Variants in URGCP observed in about 807,000 individuals in gnomAD.
The protein encoded by URGCP is up-regulator of cell proliferation.
Under a neutral mutation model 24.6 loss-of-function variants are expected in URGCP, and 13 were observed. The ratio of observed to expected loss-of-function variants is 0.53; its 90% CI spans 0.34 to 0.84. The LOEUF (loss-of-function observed/expected upper bound fraction) is 0.84, where lower values mean the gene tolerates loss of function less well. Among genes scored for constraint, URGCP ranks in the 40% least tolerant of loss-of-function variants. The pLI, the probability that URGCP is intolerant of heterozygous loss-of-function variation, is 0.01. For missense variants in URGCP, 899 were observed against 1,194.3 expected, an observed-to-expected ratio of 0.75 and a Z score of 3.64; for synonymous variants, 444 against 487.2, an observed-to-expected ratio of 0.91 and a Z score of 1.17.
intron 1 of URGCP, among the ~76,000 whole-genome samples, chr7:43,911,788 T>G (rs1203622240): frequency 6.6e-6 from 1 of 152,098 alleles, no homozygotes; most frequent in East Asian, 1.9e-4. Context: ...TGGAACACTC[T>G]CCAAGATAGA....
intron 3 of URGCP, among the ~76,000 whole-genome samples, chr7:43,883,590 T>C (rs1319856537): frequency 1.3e-5 from 2 of 151,942 alleles, no homozygotes; most frequent in Non-Finnish European, 2.9e-5. Context: ...CTCGATCTCC[T>C]GACCTTGTGA....
At chr7:43,901,233 G>A (rs10232805) in intron 1 of URGCP, among the ~76,000 whole-genome samples, 14,191 of 152,242 alleles carry the variant, frequency 0.093, 843 homozygotes, top group Middle Eastern at 0.16. Context: ...CCTGTCACTC[G>A]TGGTTCCGGA....
At chr7:43,923,335 G>A (rs1014131654) in intron 1 of URGCP, among the ~76,000 whole-genome samples, 15 of 148,198 alleles carry the variant, frequency 1.0e-4, no homozygotes, top group Non-Finnish European at 1.8e-4. Flanking sequence ...CTCCTGGGCT[G>A]GAGTACAGTG....
intron 1 of URGCP, chr7:43,920,081 C>T (rs2095920459): frequency 8.2e-7 from 1 of 1,225,738 alleles, no homozygotes; most frequent in African/African-American, 1.5e-5. Context: ...CAGGGACCCT[C>T]ATCTGCCTTA....
chr7:43,908,501 T>A (rs2095906643), upstream of URGCP, among the ~76,000 whole-genome samples: 1 of 152,230 alleles, frequency 6.6e-6, no homozygotes, highest in Non-Finnish European at 1.5e-5. Context: ...AAGGTCTCTC[T>A]GATCTCCCTC....
chr7:43,897,004 C>T (rs1358942450), intron 1 of URGCP, among the ~76,000 whole-genome samples: 1 of 152,128 alleles, frequency 6.6e-6, no homozygotes, highest in Non-Finnish European at 1.5e-5. Flanking sequence ...AGGTTCTGCT[C>T]TTGGTTTACA....
intron 1 of URGCP, among the ~76,000 whole-genome samples, chr7:43,896,431 G>T (rs1263311472): frequency 6.6e-6 from 1 of 150,686 alleles, no homozygotes; most frequent in Admixed American, 6.6e-5. Context: ...ATCCAGCCTG[G>T]GCGACAGAGA....
intron 1 of URGCP, among the ~76,000 whole-genome samples, chr7:43,892,212 C>G (rs571828264): frequency 1.3e-5 from 2 of 151,450 alleles, no homozygotes; most frequent in East Asian, 3.9e-4. Flanking sequence ...GCCACTGCGC[C>G]CAGCCAATTT....
rs531200029 is a variant in URGCP at position 43,897,705 on chromosome 7, C to A, written c.14+8857G>T. Reference sequence around the variant, plus strand: ...GTGACAGGCCTGTCTATGTTACCGGCTGCCAGGCTGAGAATAGACAAGGGA... The same window carrying A: ...GTGACAGGCCTGTCTATGTTACCGGATGCCAGGCTGAGAATAGACAAGGGA... On this transcript the variant is annotated intron_variant, in intron 1 of 5. Coordinates refer to ENST00000453200, the MANE Select transcript of URGCP (RefSeq NM_001077663.3). Among the ~76,000 whole-genome samples the A allele has an allele frequency of 3.3e-5, 5 of 152,282 alleles. No homozygotes were observed. The South Asian group carries it at 1.0e-3, about 32-fold the overall frequency.
intron 1 of URGCP, among the ~76,000 whole-genome samples, chr7:43,914,715 C>A (rs1383793339): frequency 6.6e-6 from 1 of 152,152 alleles, no homozygotes; most frequent in Non-Finnish European, 1.5e-5. Flanking sequence ...TTCACAGATT[C>A]TTTTCTCTGT....
rs369543489 is a variant in URGCP, at chr7:43,881,705, A to G, written c.164-8T>C. 1.2e-6 allele frequency: 2 copies of G among 1,614,006 alleles called. No individual in the cohort carries two copies. Among genetic ancestry groups the G allele is most frequent in the African/African-American group, 2.7e-5 (2 of 74,916 alleles). On this transcript the variant is annotated splice_polypyrimidine_tract_variant and splice_region_variant and intron_variant, in intron 4 of 5. Transcript: ENST00000453200. ...GAGCCTCATTTGTACCATCTATGGA[A>G]AAAGCAATGGAAAATGAAGTGTCAA...
rs1287751374 is a variant in URGCP, at chr7:43,917,998, G to A, written c.-116+8134C>T. Among the ~76,000 whole-genome samples the A allele has an allele frequency of 3.3e-5, 5 of 152,142 alleles. No individual in the cohort carries two copies. In the East Asian group the frequency reaches 7.8e-4, roughly 24 times the overall value. On this transcript the variant is annotated intron_variant, in intron 1 of 5. Coordinates refer to the URGCP transcript ENST00000426198. ...AAAACAAAACAAAAAACACAGCTGG[G>A]CATAGTGGTTCACGCCTGTAATCCC...
chr7:43,920,462 C>G (rs2095921031), intron 1 of URGCP, among the ~76,000 whole-genome samples: 4 of 152,138 alleles, frequency 2.6e-5, no homozygotes, highest in Admixed American at 2.6e-4. Flanking sequence ...ACTCAGTAGG[C>G]TGAGGCAGGT....
At chr7:43,897,025 G>A (rs571740686) in intron 1 of URGCP, among the ~76,000 whole-genome samples, 8 of 152,032 alleles carry the variant, frequency 5.3e-5, no homozygotes, top group Non-Finnish European at 1.2e-4. Flanking sequence ...GTTCAACAAG[G>A]CAAGGGGATA....
At chr7:43,896,975 T>C (rs2095879587) in intron 1 of URGCP, among the ~76,000 whole-genome samples, 1 of 152,324 alleles carries the variant, frequency 6.6e-6, no homozygotes, top group Non-Finnish European at 1.5e-5. Flanking sequence ...GAATTTAGGA[T>C]ACATTAATGA....
At chr7:43,916,748 T>C (rs1024447122) in intron 1 of URGCP, among the ~76,000 whole-genome samples, 4 of 114,722 alleles carry the variant, frequency 3.5e-5, no homozygotes, top group African/African-American at 1.3e-4. Context: ...AAAGCCACTT[T>C]GACACCCATG....
Position 43,882,065 on chromosome 7 carries a change from G to A in URGCP, c.113-108C>T, listed in dbSNP as rs564799525. 10 of 1,552,458 alleles carry A rather than the reference G, an allele frequency of 6.4e-6. No homozygotes were observed. The Admixed American group carries it at 1.7e-4, about 26-fold the overall frequency. On this transcript the variant is annotated intron_variant, in intron 3 of 5. Transcript: ENST00000453200. ...TGTAACCCCAGCACTTTAGGAGGCTGAACAAGAGGAGTGCTTGAGTCCAGG... is the reference window on the plus strand; with the variant it reads ...TGTAACCCCAGCACTTTAGGAGGCTAAACAAGAGGAGTGCTTGAGTCCAGG...
intron 1 of URGCP, chr7:43,918,857 G>A (rs2095918726): frequency 7.2e-7 from 1 of 1,388,656 alleles, no homozygotes; most frequent in African/African-American, 1.4e-5. Flanking sequence ...TTTTCTACCA[G>A]GCAGACGATG....
At position 43,892,949 on chromosome 7, in the gene URGCP, T is replaced by C. The variant is rs757071893; in HGVS notation, c.15-5133A>G. On this transcript the variant is annotated intron_variant, in intron 1 of 5. Coordinates refer to ENST00000453200, the MANE Select transcript of URGCP (RefSeq NM_001077663.3). ...GTTATATCTGAAAGCAAACAAATGG[T>C]ATCTGCCACCAAGAAAAAACAGGAA... is the stretch of plus-strand genomic sequence containing the variant. 4.7e-4 allele frequency among the ~76,000 whole-genome samples: 71 copies of C among 151,958 alleles called. 1 individual carries two copies. The highest frequency in any genetic ancestry group is 8.1e-4 in the Non-Finnish European group (55 of 67,944).
Sources: allele counts gnomAD v4.1 joint callset (sites outside exome capture counted in the v4.1 genomes callset), GRCh38; gene constraint gnomAD v4.1.1; transcripts MANE v1.5; gene names NCBI Gene and HGNC (gene_info 2026-07-23, HGNC 2026-07-21).